Variants in TOX3 observed in about 807,000 individuals in gnomAD.
TOX3 encodes TOX high mobility group box family member 3.
TOX3 carries 22 observed loss-of-function variants against 64.3 expected under a neutral mutation model. The ratio of observed to expected loss-of-function variants is 0.34; its 90% CI spans 0.24 to 0.49. The LOEUF is 0.49. Among genes scored for constraint, TOX3 ranks in the 20% least tolerant of loss-of-function variants. The pLI, the probability that TOX3 is intolerant of heterozygous loss-of-function variation, is 0.99. For missense variants in TOX3, 661 were observed against 714.4 expected (o/e 0.93, Z 0.85); for synonymous variants, 291 against 273.6 (o/e 1.06, Z -0.63).
In TOX3 at chr16:52,537,793, C is replaced by G. The variant is rs1962987360; in HGVS notation, c.87+8844G>C. On this transcript the variant is annotated intron_variant, in intron 1 of 6. Coordinates refer to ENST00000219746, the MANE Select transcript of TOX3 (RefSeq NM_001080430.4). ...AACATGCAAGAAAGAATCTCTCCCT[C>G]TTGAAGAGGCTGAGCTGTGAGAATG... is the stretch of plus-strand genomic sequence containing the variant. Among the ~76,000 whole-genome samples the G allele has an allele frequency of 1.3e-5, 2 of 151,050 alleles. 1 individual carries two copies. The highest frequency in any genetic ancestry group is 4.2e-4 in the South Asian group (2 of 4,770).
Position 52,547,046 on chromosome 16 carries a change from A to C in TOX3, c.-323T>G. On this transcript the variant is annotated 5_prime_UTR_variant, in exon 1 of 7. Coordinates refer to ENST00000219746, the MANE Select transcript of TOX3 (RefSeq NM_001080430.4). ...GGGCCCGGGTCGGCGAGGCGAGTTC[A>C]GGTGCGCTGGGCGAGGCTGGGACGG... The C allele has an allele frequency of 4.1e-6, 3 of 725,114 alleles. No homozygotes were observed. Among genetic ancestry groups the C allele is most frequent in the Non-Finnish European group, 5.0e-6 (3 of 594,672 alleles). 44.9% of individuals were successfully genotyped at this position (725,114 alleles called of 1,614,324 possible). A position where few individuals can be genotyped will look rare whatever the true frequency, so the allele number is the denominator to read the frequency against.
At chr16:52,540,253 A>G (rs1411947161) in intron 1 of TOX3, among the ~76,000 whole-genome samples, 1 of 150,260 alleles carries the variant, frequency 6.7e-6, no homozygotes, top group East Asian at 2.0e-4. Flanking sequence ...AGCATAGCGA[A>G]CACACACCTG....
At chr16:52,505,296 T>C (rs1962130887) in intron 1 of TOX3, among the ~76,000 whole-genome samples, 1 of 152,210 alleles carries the variant, frequency 6.6e-6, no homozygotes, top group Non-Finnish European at 1.5e-5. Context: ...TCGAATCACA[T>C]AGTGATTAAT....
intron 4 of TOX3, 140 bp from the exon 5 acceptor site, chr16:52,446,361 G>T: frequency 1.2e-6 from 1 of 841,096 alleles, no homozygotes; most frequent in Non-Finnish European, 1.8e-6. Flanking sequence ...GCGGGGGAGG[G>T]GTAAACTTGC....
At chr16:52,534,281 AGAG>A (rs1962906259) in intron 1 of TOX3, among the ~76,000 whole-genome samples, 1 of 152,212 alleles carries the variant, frequency 6.6e-6, no homozygotes. Context: ...GAAAGGGGGC[AGAG>A]GAGATTAGGT....
intron 1 of TOX3, among the ~76,000 whole-genome samples, chr16:52,515,750 C>T (rs1442342794): frequency 6.6e-6 from 1 of 152,144 alleles, no homozygotes; most frequent in Non-Finnish European, 1.5e-5. Context: ...AGCTAAATTC[C>T]TTCTTTTCGT....
chr16:52,527,071 G>A (rs1962742202), intron 1 of TOX3, among the ~76,000 whole-genome samples: 1 of 152,096 alleles, frequency 6.6e-6, no homozygotes, highest in African/African-American at 2.4e-5. Flanking sequence ...AAATCTCTGT[G>A]CACTCCATGC....
At chr16:52,465,200 G>A (rs1335650670) in intron 2 of TOX3, among the ~76,000 whole-genome samples, 2 of 151,264 alleles carry the variant, frequency 1.3e-5, no homozygotes, top group African/African-American at 4.9e-5. Context: ...TTTTTTAGTA[G>A]AGACGGGGTT....
rs776695400 is a variant in TOX3, at chr16:52,499,116, A to T, written c.88-30542T>A. 2.0e-3 allele frequency among the ~76,000 whole-genome samples: 311 copies of T among 152,336 alleles called. 2 individuals are homozygous for T. The highest frequency in any genetic ancestry group is 3.3e-3 in the Non-Finnish European group (223 of 68,030). On this transcript the variant is annotated intron_variant, in intron 1 of 6. Coordinates refer to ENST00000219746, the MANE Select transcript of TOX3 (RefSeq NM_001080430.4). ...AATACCAATGCAATATAAAATTGCT[A>T]TTATAACACAAAGCTACTAATATGA...
chr16:52,466,932 C>T (rs1022033370), intron 2 of TOX3, among the ~76,000 whole-genome samples: 1 of 152,034 alleles, frequency 6.6e-6, no homozygotes, highest in Non-Finnish European at 1.5e-5. Context: ...ACAAAAACAA[C>T]AAAAAGACAC....
chr16:52,513,094 T>C (rs1011142811), intron 1 of TOX3, among the ~76,000 whole-genome samples: 2 of 152,154 alleles, frequency 1.3e-5, no homozygotes, highest in African/African-American at 4.8e-5. Context: ...ACTGACTCTT[T>C]GGGGAGCTTA....
rs1963201363 is a variant in TOX3 at position 52,546,717 on chromosome 16, C to T, written c.7G>A (p.Val3Met). 1.3e-6 allele frequency: 2 copies of T among 1,522,500 alleles called. No individual in the cohort carries two copies. Among genetic ancestry groups the T allele is most frequent in the African/African-American group, 1.4e-5 (1 of 70,948 alleles). 94.3% of individuals were successfully genotyped at this position (1,522,500 alleles called of 1,614,324 possible). The stretch of plus-strand genomic sequence containing the variant: ...CCGGCCGCCGCGGGGTAGAACCTCA[C>T]ATCCATGCCGAAGCTGGGCCCGGGG... Reference protein sequence around the residue: MDVRFYPAAAGDP... With the variant: MDMRFYPAAAGDP... Residue 3 changes from valine to methionine, a missense_variant, in exon 1 of 7, where the codon GTG becomes ATG. Val to Met is a conservative substitution (Grantham distance 21). This residue lies in a region of TOX3 where 259 missense variants were observed against 261.2 expected (regional missense o/e 0.99). Transcript: ENST00000219746.
chr16:52,510,557 A>G (rs1003539801), intron 1 of TOX3, among the ~76,000 whole-genome samples: 2 of 152,012 alleles, frequency 1.3e-5, no homozygotes, highest in Non-Finnish European at 2.9e-5. Context: ...GAAGTTTGAG[A>G]CCAGCCTGGC....
At chr16:52,527,312 A>C (rs565892436) in intron 1 of TOX3, among the ~76,000 whole-genome samples, 6 of 152,322 alleles carry the variant, frequency 3.9e-5, no homozygotes, top group Admixed American at 1.3e-4. Context: ...TATTGCTCCT[A>C]TTTATTATTT....
intron 1 of TOX3, among the ~76,000 whole-genome samples, chr16:52,521,863 T>G (rs1300056691): frequency 6.6e-6 from 1 of 152,210 alleles, no homozygotes; most frequent in African/African-American, 2.4e-5. Flanking sequence ...GTGACTCTCA[T>G]GCTCAGTGAA....
intron 1 of TOX3, among the ~76,000 whole-genome samples, chr16:52,480,907 C>T (rs1309109395): frequency 6.6e-6 from 1 of 151,516 alleles, no homozygotes; most frequent in South Asian, 2.1e-4. Flanking sequence ...CCTCAGGGGA[C>T]CTTTGATAAT....
chr16:52,450,445 A>C lies in TOX3; in HGVS notation c.510T>G (p.Pro170=). The C allele has an allele frequency of 6.2e-7, 1 of 1,614,052 alleles. No homozygotes were observed. The part of the protein sequence containing the change: ...MTDAARSGVM[P]PAQLTTINQS... Reference sequence around the variant, plus strand: ...GGTTGATGGTGGTGAGCTGGGCAGGAGGCATGACCCCAGAACGCGCAGCAT... The same window carrying C: ...GGTTGATGGTGGTGAGCTGGGCAGGCGGCATGACCCCAGAACGCGCAGCAT... The change falls in exon 4 of 7, where the codon CCT becomes CCG. Residue 170 remains proline (P), a synonymous_variant. Coordinates refer to ENST00000219746, the MANE Select transcript of TOX3 (RefSeq NM_001080430.4).
intron 1 of TOX3, among the ~76,000 whole-genome samples, chr16:52,519,163 C>T (rs1051594612): frequency 3.9e-5 from 6 of 152,176 alleles, no homozygotes; most frequent in African/African-American, 1.4e-4. Flanking sequence ...GATGGATGGG[C>T]TAATCCGTCT....
chr16:52,524,928 T>A (rs1962693438), intron 1 of TOX3, among the ~76,000 whole-genome samples: 1 of 150,496 alleles, frequency 6.6e-6, no homozygotes, highest in Admixed American at 6.6e-5. Context: ...GATGGTAACC[T>A]CCCCAGAAAG....
Sources: allele counts gnomAD v4.1 joint callset (sites outside exome capture counted in the v4.1 genomes callset), GRCh38; gene constraint gnomAD v4.1.1; regional missense constraint gnomAD v4.1.1; transcripts MANE v1.5; gene names NCBI Gene and HGNC (gene_info 2026-07-23, HGNC 2026-07-21).